DGKB: variants seen among roughly 807,000 people sequenced by gnomAD.
The protein encoded by DGKB is diacylglycerol kinase beta, also known as 90 kDa diacylglycerol kinase.
Under a neutral mutation model 114.3 loss-of-function variants are expected in DGKB, and 67 were observed. The ratio of observed to expected loss-of-function variants is 0.59; its 90% CI spans 0.48 to 0.72. The LOEUF (loss-of-function observed/expected upper bound fraction) is 0.72, where lower values mean the gene tolerates loss of function less well. Ranked by LOEUF, DGKB falls within the 30% of genes least tolerant of loss-of-function variation. DGKB has a pLI of 0.00. For missense variants in DGKB, 907 were observed against 975.2 expected (o/e 0.93, Z 0.93); for synonymous variants, 398 against 323.1 (o/e 1.23, Z -2.49).
intron 23 of DGKB, among the ~76,000 whole-genome samples, chr7:14,322,354 C>T (rs955947565): frequency 1.3e-5 from 2 of 152,082 alleles, no homozygotes; most frequent in East Asian, 1.9e-4. Flanking sequence ...TAAACAGAAA[C>T]TTGGGATTAA....
intron 1 of DGKB, among the ~76,000 whole-genome samples, chr7:14,849,401 C>A (rs1849052293): frequency 6.6e-6 from 1 of 151,920 alleles, no homozygotes; most frequent in African/African-American, 2.4e-5. Context: ...ACGGTTTCAC[C>A]CTTCTAGATG....
intron 23 of DGKB, among the ~76,000 whole-genome samples, chr7:14,267,208 G>C (rs1797643284): frequency 6.6e-6 from 1 of 152,172 alleles, no homozygotes; most frequent in Non-Finnish European, 1.5e-5. Context: ...CCAGATCTTA[G>C]GAGAGTGGCG....
chr7:14,678,822 T>C (rs764740018), intron 12 of DGKB, among the ~76,000 whole-genome samples: 1 of 151,970 alleles, frequency 6.6e-6, no homozygotes, highest in Non-Finnish European at 1.5e-5. Context: ...GGGCTGCGAA[T>C]GTGGAGACAA....
chr7:14,345,266 A>G (rs199664620), intron 22 of DGKB, 35 bp downstream of exon 22: 2 of 1,227,758 alleles, frequency 1.6e-6, no homozygotes, highest in East Asian at 2.5e-5. Flanking sequence ...AAGCCATTTC[A>G]TCATATTACA....
At chr7:14,597,847 T>G (rs1208024279) in intron 17 of DGKB, among the ~76,000 whole-genome samples, 2 of 152,132 alleles carry the variant, frequency 1.3e-5, no homozygotes, top group East Asian at 3.8e-4. Context: ...TGTGCATGCA[T>G]GTGTACAAGC....
At chr7:14,883,580 T>C (rs1038298489) in intron 1 of DGKB, among the ~76,000 whole-genome samples, 11 of 152,034 alleles carry the variant, frequency 7.2e-5, no homozygotes, top group Admixed American at 7.2e-4. Flanking sequence ...GAGATTGAGA[T>C]AGCTGCAAGC....
chr7:14,366,856 T>C (rs2128642024), intron 21 of DGKB, among the ~76,000 whole-genome samples: 1 of 152,288 alleles, frequency 6.6e-6, no homozygotes, highest in African/African-American at 2.4e-5. Context: ...TTATATACTT[T>C]ATTGTGTCAA....
chr7:14,656,273 G>T (rs965111220), intron 13 of DGKB, among the ~76,000 whole-genome samples: 3 of 151,142 alleles, frequency 2.0e-5, no homozygotes, highest in African/African-American at 7.3e-5. Flanking sequence ...TTGATTTGTG[G>T]GACTATATAT....
intron 20 of DGKB, among the ~76,000 whole-genome samples, chr7:14,524,182 T>C (rs999391903): frequency 6.6e-6 from 1 of 152,212 alleles, no homozygotes; most frequent in Non-Finnish European, 1.5e-5. Flanking sequence ...ACATATTTCA[T>C]ATTCTAAAAA....
Position 14,519,706 on chromosome 7 carries a change from C to A in DGKB, c.1771-41481G>T, listed in dbSNP as rs1789428219. Among the ~76,000 whole-genome samples the A allele has an allele frequency of 2.0e-5, 3 of 151,786 alleles. No homozygotes were observed. In the South Asian group the frequency reaches 6.2e-4, roughly 31 times the overall value. On this transcript the variant is annotated intron_variant, in intron 20 of 25. Transcript: ENST00000402815. ...GGTTCCAGGTATTGGACATACTCAC[C>A]AACACTGGGTACTGTATGGTTTTTT...
chr7:14,397,167 A>G (rs955502357), intron 21 of DGKB, among the ~76,000 whole-genome samples: 1 of 152,084 alleles, frequency 6.6e-6, no homozygotes, highest in South Asian at 2.1e-4. Context: ...GTTCTTGAAG[A>G]TAGAAAATTA....
intron 21 of DGKB, among the ~76,000 whole-genome samples, chr7:14,473,136 T>C (rs1434414157): frequency 2.0e-5 from 3 of 152,144 alleles, no homozygotes; most frequent in African/African-American, 7.2e-5. Flanking sequence ...ACCTTTGCAG[T>C]AGGCCCTCCC....
intron 20 of DGKB, among the ~76,000 whole-genome samples, chr7:14,501,898 G>T (rs1307565330): frequency 1.3e-5 from 2 of 151,896 alleles, no homozygotes; most frequent in African/African-American, 4.8e-5. Context: ...TTTAAATAAT[G>T]GGGTCTGGAC....
chr7:14,828,608 A>G (rs1167298634), intron 2 of DGKB, among the ~76,000 whole-genome samples: 1 of 152,032 alleles, frequency 6.6e-6, no homozygotes, highest in Non-Finnish European at 1.5e-5. Context: ...CTTCTAAGGA[A>G]TTACTTCCTA....
intron 1 of DGKB, among the ~76,000 whole-genome samples, chr7:14,951,318 T>A (rs958040556): frequency 2.0e-5 from 3 of 151,956 alleles, no homozygotes; most frequent in African/African-American, 7.2e-5. Context: ...GGTGAACGGA[T>A]AAACACACTG....
intron 13 of DGKB, among the ~76,000 whole-genome samples, chr7:14,651,197 A>C (rs1223862579): frequency 2.0e-5 from 3 of 152,182 alleles, no homozygotes; most frequent in Non-Finnish European, 4.4e-5. Context: ...ACAACAAAAA[A>C]AGAGAATTTT....
At chr7:14,711,130 T>C (rs1431677186) in intron 6 of DGKB, among the ~76,000 whole-genome samples, 2 of 152,070 alleles carry the variant, frequency 1.3e-5, no homozygotes, top group Non-Finnish European at 2.9e-5. Context: ...GGTCTGAAAA[T>C]CCCTACTTCA....
At chr7:14,532,956 G>C (rs1791842037) in intron 20 of DGKB, among the ~76,000 whole-genome samples, 1 of 151,636 alleles carries the variant, frequency 6.6e-6, no homozygotes, top group Non-Finnish European at 1.5e-5. Flanking sequence ...ACCATTGCAA[G>C]AATAAAAGGA....
At chr7:14,547,596 A>T (rs1343173968) in intron 20 of DGKB, among the ~76,000 whole-genome samples, 1 of 152,168 alleles carries the variant, frequency 6.6e-6, no homozygotes, top group East Asian at 1.9e-4. Flanking sequence ...ACCCTGTTGC[A>T]GATTAATTAC....
Sources: gnomAD v4.1 joint callset for allele counts (sites outside exome capture counted in the v4.1 genomes callset) on GRCh38, gnomAD v4.1.1 for gene constraint, MANE v1.5 for transcripts, NCBI Gene and HGNC (gene_info 2026-07-23, HGNC 2026-07-21) for gene names.